HDAC9: variants seen among roughly 807,000 people sequenced by gnomAD.
The protein encoded by HDAC9 is MEF-2 interacting transcription repressor (MITR) protein.
HDAC9 carries 41 observed loss-of-function variants against 139.4 expected under a neutral mutation model. The ratio of observed to expected loss-of-function variants is 0.29; its 90% CI spans 0.23 to 0.38. The LOEUF is 0.38. Ranked by LOEUF, HDAC9 falls within the 10% of genes least tolerant of loss-of-function variation. HDAC9 has a pLI of 1.00. For synonymous variants in HDAC9, 517 were observed against 476.2 expected, an observed-to-expected ratio of 1.09 and a Z score of -1.12; for missense variants, 1,147 against 1,297.0, an observed-to-expected ratio of 0.88 and a Z score of 1.78.
intron 2 of HDAC9, among the ~76,000 whole-genome samples, chr7:18,190,702 G>A (rs1790287956): frequency 6.6e-6 from 1 of 151,978 alleles, no homozygotes; most frequent in Admixed American, 6.6e-5. Context: ...AAAGATTGTT[G>A]CTTTTCTCTT....
chr7:18,685,738 A>G (rs781683156), intron 12 of HDAC9, among the ~76,000 whole-genome samples: 10 of 151,992 alleles, frequency 6.6e-5, no homozygotes, highest in Non-Finnish European at 1.5e-4. Context: ...GATGGAAGAA[A>G]CATTCTATGC....
At chr7:18,973,187 C>A (rs998929361) in intron 24 of HDAC9, among the ~76,000 whole-genome samples, 1 of 152,072 alleles carries the variant, frequency 6.6e-6, no homozygotes, top group African/African-American at 2.4e-5. Context: ...GTAGAAACAC[C>A]GAGCACAGTC....
At chr7:18,809,046 G>A (rs1409439866) in intron 17 of HDAC9, among the ~76,000 whole-genome samples, 1 of 151,968 alleles carries the variant, frequency 6.6e-6, no homozygotes, top group African/African-American at 2.4e-5. Context: ...ACCTAAATGT[G>A]GTTAGCTAAT....
chr7:18,482,293 C>T (rs1240376998), intron 1 of HDAC9, among the ~76,000 whole-genome samples: 2 of 145,102 alleles, frequency 1.4e-5, no homozygotes, highest in Admixed American at 7.1e-5. Flanking sequence ...CCTGCAATTT[C>T]AGCTGCTTGA....
At chr7:18,511,647 G>A (rs1801527536) in intron 2 of HDAC9, among the ~76,000 whole-genome samples, 1 of 152,046 alleles carries the variant, frequency 6.6e-6, no homozygotes, top group South Asian at 2.1e-4. Context: ...ATTGTTTAGT[G>A]GACACAGGAG....
chr7:18,183,991 A>G (rs980099399), intron 2 of HDAC9, among the ~76,000 whole-genome samples: 5 of 152,220 alleles, frequency 3.3e-5, no homozygotes, highest in African/African-American at 7.2e-5. Context: ...TATATAAATT[A>G]TACATTTTTT....
intron 2 of HDAC9, among the ~76,000 whole-genome samples, chr7:18,187,255 A>ATCCTGTG (rs1789986560): frequency 6.6e-6 from 1 of 152,208 alleles, no homozygotes. Context: ...CTTCACAGCA[A>ATCCTGTG]TCCTGTGACA....
At chr7:18,766,834 A>G (rs1191931653) in intron 15 of HDAC9, among the ~76,000 whole-genome samples, 1 of 152,132 alleles carries the variant, frequency 6.6e-6, no homozygotes, top group African/African-American at 2.4e-5. Flanking sequence ...CCCAAATCTC[A>G]TGAGCATGTG....
rs543686370 is a variant in HDAC9 at position 18,990,536 on chromosome 7, T to C, written c.3171-5487T>C. Among the ~76,000 whole-genome samples, 41 of 152,338 alleles carry C rather than the reference T, an allele frequency of 2.7e-4. No individual in the cohort carries two copies. In the South Asian group the frequency reaches 3.1e-3, roughly 12 times the overall value. On this transcript the variant is annotated intron_variant, in intron 25 of 25. Coordinates refer to ENST00000686413, the MANE Select transcript of HDAC9 (RefSeq NM_178425.4). ...GCCCTGCCCCCAGAGGTGGAGCCTA[T>C]AGAGGCAGGCAGGCCTCCTTGAGCT...
At chr7:18,418,486 G>T (rs1340735694) in intron 1 of HDAC9, among the ~76,000 whole-genome samples, 4 of 147,436 alleles carry the variant, frequency 2.7e-5, no homozygotes, top group African/African-American at 5.0e-5. Context: ...ATAAGATAAT[G>T]AAATAGTATG....
intron 1 of HDAC9, among the ~76,000 whole-genome samples, chr7:18,120,075 C>T (rs1257508517): frequency 6.6e-6 from 1 of 152,122 alleles, no homozygotes. Flanking sequence ...ATAGTGACTA[C>T]TGTCTAGTAA....
intron 1 of HDAC9, among the ~76,000 whole-genome samples, chr7:18,477,470 G>A (rs962531718): frequency 6.6e-6 from 1 of 152,106 alleles, no homozygotes; most frequent in African/African-American, 2.4e-5. Context: ...CCAAAAGACT[G>A]CATTTACAAA....
intron 1 of HDAC9, among the ~76,000 whole-genome samples, chr7:18,363,897 A>G (rs1356210668): frequency 6.6e-6 from 1 of 152,114 alleles, no homozygotes; most frequent in African/African-American, 2.4e-5. Flanking sequence ...TGCTTTTCTT[A>G]GTGAAATGCC....
At chr7:18,220,270 T>A (rs1349894024) in intron 2 of HDAC9, among the ~76,000 whole-genome samples, 2 of 152,014 alleles carry the variant, frequency 1.3e-5, no homozygotes, top group African/African-American at 4.8e-5. Context: ...CAGTGAAGAG[T>A]TTTGCAATTA....
At chr7:18,932,243 G>A (rs990120894) in intron 22 of HDAC9, among the ~76,000 whole-genome samples, 9 of 152,056 alleles carry the variant, frequency 5.9e-5, no homozygotes, top group Admixed American at 2.0e-4. Context: ...ACTGAAACAC[G>A]TGTTTTCATT....
intron 12 of HDAC9, among the ~76,000 whole-genome samples, chr7:18,712,458 C>G (rs1485002319): frequency 6.6e-6 from 1 of 152,156 alleles, no homozygotes; most frequent in Non-Finnish European, 1.5e-5. Context: ...GTTTCAGTGT[C>G]AATTTATAAA....
chr7:18,351,539 T>C (rs1021704474), intron 1 of HDAC9, among the ~76,000 whole-genome samples: 10 of 152,184 alleles, frequency 6.6e-5, no homozygotes, highest in African/African-American at 1.9e-4. Context: ...AGGGAAGATA[T>C]ATATATTTAA....
intron 25 of HDAC9, among the ~76,000 whole-genome samples, chr7:18,983,444 T>G (rs1173744878): frequency 6.6e-6 from 1 of 152,194 alleles, no homozygotes; most frequent in Non-Finnish European, 1.5e-5. Context: ...GTTCCTATTT[T>G]CAGTTTTTTT....
chr7:18,668,348 A>G, intron 12 of HDAC9: 1 of 938,988 alleles, frequency 1.1e-6, no homozygotes, highest in Non-Finnish European at 1.3e-6. Flanking sequence ...CATTAAAAAT[A>G]TGGCATGCCT....
Sources: allele counts gnomAD v4.1 joint callset (sites outside exome capture counted in the v4.1 genomes callset), GRCh38; gene constraint gnomAD v4.1.1; transcripts MANE v1.5; gene names NCBI Gene and HGNC (gene_info 2026-07-23, HGNC 2026-07-21).